MROH9: variants seen among roughly 807,000 people sequenced by gnomAD.
MROH9 encodes the protein maestro heat-like repeat-containing protein family member 9.
Under a neutral mutation model 98.2 loss-of-function variants are expected in MROH9, and 92 were observed. The observed-to-expected ratio is 0.94, with a 90% confidence interval of 0.79 to 1.11. MROH9 has a LOEUF of 1.11. Ranked by LOEUF, MROH9 falls within the 50% of genes most tolerant of loss-of-function variation. The probability of loss-of-function intolerance (pLI) is 0.00; values close to 1 mark genes in which losing one functional copy is unlikely to be tolerated. For missense variants in MROH9, 1,057 were observed against 1,014.8 expected (o/e 1.04, Z -0.57); for synonymous variants, 397 against 368.9 (o/e 1.08, Z -0.87).
chr1:170,942,273 G>C (rs1449817667), intron 1 of MROH9, among the ~76,000 whole-genome samples: 4 of 151,876 alleles, frequency 2.6e-5, no homozygotes, highest in Admixed American at 6.6e-5. Context: ...GCAAAGAAGA[G>C]TGGTGGGGTT....
intron 3 of MROH9, among the ~76,000 whole-genome samples, chr1:170,953,691 T>C (rs1192175904): frequency 6.6e-6 from 1 of 150,592 alleles, no homozygotes; most frequent in Non-Finnish European, 1.5e-5. Context: ...AAAAATGGTA[T>C]GCTCTTATTT....
intron 6 of MROH9, among the ~76,000 whole-genome samples, chr1:170,963,237 C>T (rs1650095998): frequency 6.6e-6 from 1 of 151,890 alleles, no homozygotes; most frequent in Non-Finnish European, 1.5e-5. Flanking sequence ...AAAGCTCAAC[C>T]TCATTGATGA....
At chr1:171,032,278 G>A (rs551088981) in intron 20 of MROH9, among the ~76,000 whole-genome samples, 11 of 152,294 alleles carry the variant, frequency 7.2e-5, no homozygotes, top group Admixed American at 4.6e-4. Context: ...GGCTACTACT[G>A]TCGATTCATC....
At chr1:171,035,861 A>G (rs978600743) in intron 20 of MROH9, among the ~76,000 whole-genome samples, 2 of 152,188 alleles carry the variant, frequency 1.3e-5, no homozygotes, top group Non-Finnish European at 2.9e-5. Flanking sequence ...GTTTAGCTAT[A>G]TCTGATAAAG....
intron 20 of MROH9, among the ~76,000 whole-genome samples, chr1:171,051,151 T>A (rs1248718709): frequency 6.6e-6 from 1 of 152,208 alleles, no homozygotes; most frequent in Non-Finnish European, 1.5e-5. Flanking sequence ...GAATGTGAAT[T>A]AGTTCAAACA....
At chr1:170,992,938 C>A (rs1251924775) in intron 12 of MROH9, among the ~76,000 whole-genome samples, 1 of 152,084 alleles carries the variant, frequency 6.6e-6, no homozygotes, top group Non-Finnish European at 1.5e-5. Context: ...TCCTGAAAAC[C>A]AAAATCACCA....
chr1:171,025,489 T>C (rs1652677796), intron 20 of MROH9, 69 bp downstream of exon 20: 1 of 1,046,076 alleles, frequency 9.6e-7, no homozygotes, highest in Admixed American at 2.3e-5. Context: ...AAACTAAAAG[T>C]CTTTCTTACA....
In MROH9 at chr1:171,010,508, CCA is replaced by C. The variant is rs375485994; in HGVS notation, c.1597-3606_1597-3605del. 4.6e-3 allele frequency among the ~76,000 whole-genome samples: 699 copies of C among 152,206 alleles called. 4 individuals are homozygous for C. The highest frequency in any genetic ancestry group is 0.016 in the African/African-American group (660 of 41,540). ...CTAGTTTCAGATCCTTGGGGAATCA[CCA>C]CAGTCTTCCACAATGGTTGAACTAA... On this transcript the variant is annotated intron_variant, in intron 15 of 21. Transcript: ENST00000367759.
intron 3 of MROH9, among the ~76,000 whole-genome samples, chr1:170,955,666 GT>G (rs1649731498): frequency 6.6e-6 from 1 of 151,820 alleles, no homozygotes; most frequent in Non-Finnish European, 1.5e-5. Flanking sequence ...TGATAAGATT[GT>G]TTTTTTCTTA....
intron 7 of MROH9, among the ~76,000 whole-genome samples, chr1:170,965,717 C>T (rs543117282): frequency 6.6e-6 from 1 of 152,206 alleles, no homozygotes; most frequent in African/African-American, 2.4e-5. Flanking sequence ...CACACCAACC[C>T]TGTCCTTAGC....
At chr1:170,962,014 A>T in intron 6 of MROH9, 38 bp downstream of exon 6, 2 of 1,122,286 alleles carry the variant, frequency 1.8e-6, no homozygotes, top group South Asian at 3.0e-5. Flanking sequence ...TCTTGTCATA[A>T]GTCTAGTATG....
Position 171,064,723 on chromosome 1 carries a change from T to C in MROH9, c.*383T>C, listed in dbSNP as rs915410539. On this transcript the variant is annotated 3_prime_UTR_variant, in exon 22 of 22. Transcript: ENST00000367759. Reference sequence around the variant, plus strand: ...AGGCAGTGGGGACATTTGGATGATATAGACAAGGTTCCTGATCTCAGGATG... The same window carrying C: ...AGGCAGTGGGGACATTTGGATGATACAGACAAGGTTCCTGATCTCAGGATG... The C allele has an allele frequency of 2.4e-5, 4 of 163,784 alleles. No individual in the cohort carries two copies. The highest frequency in any genetic ancestry group is 4.8e-5 in the African/African-American group (2 of 41,570). The allele number at this position is 163,784 out of a possible 1,614,324, so 10.1% of individuals were successfully genotyped here. A position where few individuals can be genotyped will look rare whatever the true frequency, so the allele number is the denominator to read the frequency against.
At chr1:171,058,213 C>T (rs1231108793) in intron 20 of MROH9, among the ~76,000 whole-genome samples, 1 of 151,802 alleles carries the variant, frequency 6.6e-6, no homozygotes, top group Non-Finnish European at 1.5e-5. Context: ...AGCAGAGAGC[C>T]AAATTATGAA....
At chr1:170,935,795 C>T (rs115647949) in intron 1 of MROH9, among the ~76,000 whole-genome samples, 3,205 of 151,670 alleles carry the variant, frequency 0.021, 105 homozygotes, top group African/African-American at 0.073. Context: ...AGGTCGAGAC[C>T]ACCCTAGGCA....
chr1:170,946,659 A>C (rs1649340684), intron 2 of MROH9, among the ~76,000 whole-genome samples: 1 of 151,998 alleles, frequency 6.6e-6, no homozygotes, highest in Non-Finnish European at 1.5e-5. Flanking sequence ...GTCTGAAATA[A>C]AAAGTTATTT....
chr1:170,989,370 T>C lies in MROH9; in HGVS notation c.880-485T>C, dbSNP rs1418885137. Among the ~76,000 whole-genome samples the C allele has an allele frequency of 2.6e-5, 4 of 151,882 alleles. No homozygotes were observed. The East Asian group carries it at 7.7e-4, about 29-fold the overall frequency. Reference sequence around the variant, plus strand: ...ACTAACATGGGACCTACGAGTAGAGTTTGCAACATTGTGGGTTAGTGTTTA... The same window carrying C: ...ACTAACATGGGACCTACGAGTAGAGCTTGCAACATTGTGGGTTAGTGTTTA... On this transcript the variant is annotated intron_variant, in intron 10 of 21. Coordinates refer to ENST00000367759, the MANE Select transcript of MROH9 (RefSeq NM_001163629.2).
intron 12 of MROH9, among the ~76,000 whole-genome samples, chr1:170,992,781 A>C (rs570399410): frequency 6.6e-6 from 1 of 152,288 alleles, no homozygotes; most frequent in South Asian, 2.1e-4. Context: ...ATGTCAGCGA[A>C]TACAAGGAAG....
At chr1:171,047,091 C>T (rs2101864696) in intron 20 of MROH9, among the ~76,000 whole-genome samples, 1 of 152,150 alleles carries the variant, frequency 6.6e-6, no homozygotes, top group Non-Finnish European at 1.5e-5. Context: ...TTTTAGGATC[C>T]TTTCTTTCTT....
intron 20 of MROH9, among the ~76,000 whole-genome samples, chr1:171,036,318 CT>C (rs1166423038): frequency 1.3e-5 from 2 of 151,966 alleles, no homozygotes; most frequent in Non-Finnish European, 2.9e-5. Context: ...ATGTGCTGTA[CT>C]TTTATATGTG....
Sources: gnomAD v4.1 joint callset for allele counts (sites outside exome capture counted in the v4.1 genomes callset) on GRCh38, gnomAD v4.1.1 for gene constraint, MANE v1.5 for transcripts, NCBI Gene and HGNC (gene_info 2026-07-23, HGNC 2026-07-21) for gene names.